FN1: variants seen among roughly 807,000 people sequenced by gnomAD.
FN1 encodes fibronectin.
FN1 carries 106 observed loss-of-function variants against 297.3 expected under a neutral mutation model. That is an observed-to-expected ratio of 0.36 (90% confidence interval 0.30 to 0.42). FN1 has a LOEUF of 0.42. Among genes scored for constraint, FN1 ranks in the 10% least tolerant of loss-of-function variants. The probability of loss-of-function intolerance (pLI) is 1.00; values close to 1 mark genes in which losing one functional copy is unlikely to be tolerated. For synonymous variants in FN1, 1,149 were observed against 1,152.6 expected (o/e 1.00, Z 0.06); for missense variants, 2,690 against 3,124.9 (o/e 0.86, Z 3.32).
chr2:215,410,666 C>A (rs954696222), intron 13 of FN1, among the ~76,000 whole-genome samples: 2 of 152,066 alleles, frequency 1.3e-5, no homozygotes, highest in Admixed American at 6.6e-5. Context: ...TGCCACCATG[C>A]CTGGCTAATT....
At chr2:215,414,397 T>TA (rs36086086) in intron 13 of FN1, among the ~76,000 whole-genome samples, 3 of 152,256 alleles carry the variant, frequency 2.0e-5, no homozygotes, top group African/African-American at 7.2e-5. Context: ...AATGATCACT[T>TA]AAAAAGTGAA....
intron 22 of FN1, 105 bp downstream of exon 22, chr2:215,397,575 T>TC: frequency 1.1e-6 from 1 of 926,482 alleles, no homozygotes. Context: ...ATAAGATATC[T>TC]CCCCTGTGCC....
intron 24 of FN1, 69 bp downstream of exon 24, chr2:215,394,459 G>A (rs1441562191): frequency 3.1e-6 from 4 of 1,271,254 alleles, no homozygotes; most frequent in Non-Finnish European, 4.6e-6. Context: ...AGCATCTGGG[G>A]ATTAAGATGC....
At chr2:215,392,352 G>T in intron 25 of FN1, 1 of 180,362 alleles carries the variant, frequency 5.5e-6, no homozygotes, top group Admixed American at 5.4e-5. Flanking sequence ...TTAAAATGTT[G>T]CATGCTTGTC....
Position 215,367,970 on chromosome 2 carries a change from G to T in FN1, c.6911C>A (p.Ser2304Tyr). ...CCACTCATCTCCAACGGCATAATGG[G>T]AAACTGTGTAGGGGTCAAAGCACGA... ...DDSCFDPYTVSHYAVGDEWER... is the reference protein window; with the variant it reads ...DDSCFDPYTVYHYAVGDEWER... The change falls in exon 42 of 46, where the codon TCC becomes TAC. Residue 2304 changes from serine (S) to tyrosine (Y), a missense_variant. By Grantham distance (144) the Ser-to-Tyr change is moderately radical. This residue lies in a region of FN1 where 1,743 missense variants were observed against 1,945.2 expected (regional missense o/e 0.90). Transcript: ENST00000354785. The T allele has an allele frequency of 6.2e-7, 1 of 1,614,188 alleles. No individual in the cohort carries two copies. Among genetic ancestry groups the T allele is most frequent in the Non-Finnish European group, 8.5e-7 (1 of 1,180,006 alleles).
At chr2:215,425,614 G>A (rs187847588) in intron 6 of FN1, among the ~76,000 whole-genome samples, 302 of 152,138 alleles carry the variant, frequency 2.0e-3, no homozygotes, top group African/African-American at 3.1e-3. Flanking sequence ...GTGCAGTGGC[G>A]CGGTCTCGGC....
chr2:215,385,567 GAA>G (rs528179850), intron 28 of FN1, among the ~76,000 whole-genome samples: 36,735 of 113,438 alleles, frequency 0.32, 5,411 homozygotes, highest in East Asian at 0.77. Flanking sequence ...ATTTCAGGAA[GAA>G]AAAAAAAAAA....
chr2:215,379,482 A>G (rs2057892731), intron 33 of FN1, 165 bp from the exon 34 acceptor site: 2 of 627,306 alleles, frequency 3.2e-6, no homozygotes, highest in Middle Eastern at 4.3e-4. Flanking sequence ...GGGATGCAAA[A>G]TGAAGAAAGT....
At chr2:215,381,544 G>T in intron 32 of FN1, 1 of 239,108 alleles carries the variant, frequency 4.2e-6, no homozygotes, top group East Asian at 1.2e-4. Flanking sequence ...CATGATCTTG[G>T]CTCACTGCAA....
At chr2:215,389,877 T>C (rs1284285165) in intron 26 of FN1, among the ~76,000 whole-genome samples, 1 of 152,226 alleles carries the variant, frequency 6.6e-6, no homozygotes, top group Admixed American at 6.5e-5. Context: ...GTCTAGCCTA[T>C]TGCTCCTAGG....
intron 19 of FN1, among the ~76,000 whole-genome samples, chr2:215,405,351 G>A (rs2061639575): frequency 6.6e-6 from 1 of 152,200 alleles, no homozygotes; most frequent in Non-Finnish European, 1.5e-5. Flanking sequence ...TCGGACATAG[G>A]TTATAGAGCC....
intron 4 of FN1, 78 bp downstream of exon 4, chr2:215,431,755 T>C (rs945669549): frequency 2.8e-6 from 4 of 1,427,034 alleles, no homozygotes; most frequent in Admixed American, 3.3e-5. Flanking sequence ...GTCTATGACC[T>C]ATGTAGATGT....
rs757901031 is a variant in FN1 at position 215,370,311 on chromosome 2, A to G, written c.6836T>C (p.Val2279Ala). The G allele has an allele frequency of 1.1e-5, 17 of 1,614,032 alleles. No individual in the cohort carries two copies. The highest frequency in any genetic ancestry group is 1.4e-5 in the Non-Finnish European group (17 of 1,179,996). ...TTACATACCAGAGTTGCCCACGGTAACAACCTCTTCCCGAACCTTATGCCT... is the reference window on the plus strand; with the variant it reads ...TTACATACCAGAGTTGCCCACGGTAGCAACCTCTTCCCGAACCTTATGCCT... ...QQRHKVREEV[V>A]TVGNSVNEGL... The change falls in exon 41 of 46, where the codon GTT (valine) becomes GCT (alanine). Residue 2279 changes from valine (V) to alanine (A), a missense_variant. Physicochemically the swap from Val to Ala is moderately conservative, Grantham distance 64. Coordinates refer to ENST00000354785, the MANE Select transcript of FN1 (RefSeq NM_212482.4).
chr2:215,416,635 T>C (rs2063469762), intron 12 of FN1, among the ~76,000 whole-genome samples: 1 of 152,204 alleles, frequency 6.6e-6, no homozygotes, highest in African/African-American at 2.4e-5. Flanking sequence ...ACACCTGATA[T>C]ACACTTTATT....
intron 41 of FN1, among the ~76,000 whole-genome samples, chr2:215,368,535 A>G (rs1023154489): frequency 2.0e-5 from 3 of 152,246 alleles, no homozygotes; most frequent in Admixed American, 6.5e-5. Context: ...CTTTTCCAAG[A>G]CTTAGAAAAT....
intron 38 of FN1, among the ~76,000 whole-genome samples, chr2:215,374,244 C>G (rs1488994572): frequency 1.0e-5 from 1 of 97,622 alleles, no homozygotes; most frequent in Non-Finnish European, 3.0e-5. Context: ...CCTCTCATGT[C>G]TGCTTCTATT....
intron 9 of FN1, 32 bp from the exon 10 acceptor site, chr2:215,422,275 T>C (rs926513103): frequency 3.1e-6 from 5 of 1,607,056 alleles, no homozygotes; most frequent in Admixed American, 1.7e-5. Flanking sequence ...ATGCACTTGA[T>C]AAATGATCAC....
Position 215,423,382 on chromosome 2 carries a change from G to T in FN1, c.1361C>A (p.Ala454Asp), listed in dbSNP as rs147802150. The change falls in exon 9 of 46, where the codon GCC becomes GAC. Residue 454 changes from alanine to aspartate, a missense_variant. Ala to Asp is a moderately radical substitution (Grantham distance 126). Coordinates refer to ENST00000354785, the MANE Select transcript of FN1 (RefSeq NM_212482.4). ...GGGGCAGAACCCAAACTTCTGGTCG[G>T]CATCATAGTTCTGTGTGGTCCCACA... is the stretch of plus-strand genomic sequence containing the variant. ...KWCGTTQNYD[A>D]DQKFGFCPMA... 2.1e-4 allele frequency: 334 copies of T among 1,614,018 alleles called. No individual in the cohort carries two copies. Among genetic ancestry groups the T allele is most frequent in the Middle Eastern group, 3.3e-4 (2 of 6,068 alleles).
At chr2:215,411,234 T>G (rs1559517469) in intron 13 of FN1, among the ~76,000 whole-genome samples, 1 of 152,212 alleles carries the variant, frequency 6.6e-6, no homozygotes, top group Admixed American at 6.5e-5. Flanking sequence ...CAATAAAATG[T>G]GTATGAAAGA....
Sources: allele counts gnomAD v4.1 joint callset (sites outside exome capture counted in the v4.1 genomes callset), GRCh38; gene constraint gnomAD v4.1.1; regional missense constraint gnomAD v4.1.1; transcripts MANE v1.5; gene names NCBI Gene and HGNC (gene_info 2026-07-23, HGNC 2026-07-21).